PAX5: variants seen among roughly 807,000 people sequenced by gnomAD.
PAX5 encodes the protein paired box 5, also known as paired box protein Pax-5.
Under a neutral mutation model 43.7 loss-of-function variants are expected in PAX5, and 9 were observed. The observed-to-expected ratio is 0.21, with a 90% CI of 0.12 to 0.36. The LOEUF (loss-of-function observed/expected upper bound fraction) is 0.36. PAX5 is among the 10% of genes least tolerant of loss of function. The pLI is 1.00. For synonymous variants in PAX5, 228 were observed against 214.3 expected (o/e 1.06, Z -0.56); for missense variants, 383 against 532.7 (o/e 0.72, Z 2.77).
chr9:36,990,984 C>A (rs1836884009), intron 5 of PAX5, among the ~76,000 whole-genome samples: 1 of 152,110 alleles, frequency 6.6e-6, no homozygotes, highest in Non-Finnish European at 1.5e-5. Context: ...GCGGTTCATG[C>A]CTGTAGCCCC....
At chr9:36,982,908 T>A (rs1387809594) in intron 5 of PAX5, among the ~76,000 whole-genome samples, 1 of 152,180 alleles carries the variant, frequency 6.6e-6, no homozygotes, top group East Asian at 1.9e-4. Flanking sequence ...TGGTTGTCGG[T>A]AAGCATGATC....
intron 8 of PAX5, among the ~76,000 whole-genome samples, chr9:36,878,123 C>T (rs1289856217): frequency 6.6e-6 from 1 of 152,130 alleles, no homozygotes; most frequent in African/African-American, 2.4e-5. Context: ...TGATTTTGGC[C>T]CAGTGATACT....
chr9:36,903,637 C>T (rs1332014745), intron 7 of PAX5, among the ~76,000 whole-genome samples: 1 of 152,208 alleles, frequency 6.6e-6, no homozygotes, highest in Non-Finnish European at 1.5e-5. Context: ...AGCAATCATA[C>T]CTGCTGTGTC....
chr9:36,923,201 GCCC>G (rs1830318127), intron 7 of PAX5, 151 bp downstream of exon 7: 15 of 818,300 alleles, frequency 1.8e-5, no homozygotes, highest in Non-Finnish European at 2.7e-5. Flanking sequence ...TGCAACCCTG[GCCC>G]CAGCACCTGA....
intron 6 of PAX5, among the ~76,000 whole-genome samples, chr9:36,945,128 C>T (rs1832380756): frequency 6.6e-6 from 1 of 152,192 alleles, no homozygotes; most frequent in South Asian, 2.1e-4. Flanking sequence ...CTGTATAACA[C>T]AGTCACAAAG....
chr9:36,970,744 C>T (rs765438098), intron 5 of PAX5, among the ~76,000 whole-genome samples: 9 of 152,142 alleles, frequency 5.9e-5, no homozygotes, highest in Non-Finnish European at 1.2e-4. Flanking sequence ...TCTCCAGACA[C>T]AGCCAGAAGC....
intron 6 of PAX5, among the ~76,000 whole-genome samples, chr9:36,934,279 A>G (rs1377232718): frequency 6.6e-6 from 1 of 152,248 alleles, no homozygotes; most frequent in Non-Finnish European, 1.5e-5. Flanking sequence ...GAGAGATCAG[A>G]ATAAAGCCCT....
At chr9:36,943,529 T>TTCACACACACACACACACACAC (rs35815065) in intron 6 of PAX5, among the ~76,000 whole-genome samples, 4 of 145,912 alleles carry the variant, frequency 2.7e-5, no homozygotes, top group African/African-American at 5.1e-5. Flanking sequence ...TAGTTCAACA[T>TTCACACACACACACACACACAC]ACACACACAC....
At chr9:36,935,684 G>T (rs1456127060) in intron 6 of PAX5, among the ~76,000 whole-genome samples, 2 of 152,220 alleles carry the variant, frequency 1.3e-5, no homozygotes, top group Non-Finnish European at 2.9e-5. Context: ...AAATCTCAGG[G>T]TCTAATGGAG....
chr9:36,990,238 CA>C (rs964959498), intron 5 of PAX5, among the ~76,000 whole-genome samples: 53 of 152,322 alleles, frequency 3.5e-4, no homozygotes, highest in African/African-American at 1.2e-3. Flanking sequence ...AGTCCAATCA[CA>C]AGCACAATTG....
At chr9:37,009,824 C>T (rs1049055008) in intron 3 of PAX5, among the ~76,000 whole-genome samples, 17 of 151,716 alleles carry the variant, frequency 1.1e-4, no homozygotes, top group Non-Finnish European at 1.6e-4. Flanking sequence ...TACTATGCAC[C>T]CATAAAAATT....
chr9:37,014,879 C>T lies in PAX5; in HGVS notation c.410+118G>A. 6.6e-6 allele frequency: 6 copies of T among 915,876 alleles called. No homozygotes were observed. In the South Asian group the frequency reaches 9.4e-5, roughly 14 times the overall value. 56.7% of individuals were successfully genotyped at this position (915,876 alleles called of 1,614,324 possible). A position where few individuals can be genotyped will look rare whatever the true frequency, so the allele number is the denominator to read the frequency against. ...CATTAGCATCCCTCCTGTTCAGTAA[C>T]CCCTAAGGGGCCTTGGTGAAAAAAG... is the stretch of plus-strand genomic sequence containing the variant. On this transcript the variant is annotated intron_variant, in intron 3 of 9. Coordinates refer to ENST00000358127, the MANE Select transcript of PAX5 (RefSeq NM_016734.3).
intron 2 of PAX5, among the ~76,000 whole-genome samples, chr9:37,017,248 C>T (rs948338007): frequency 1.3e-5 from 2 of 152,126 alleles, no homozygotes; most frequent in African/African-American, 4.8e-5. Flanking sequence ...TTATCTTGAT[C>T]CTCACACTAA....
intron 5 of PAX5, among the ~76,000 whole-genome samples, chr9:36,996,785 G>A (rs1185256272): frequency 2.0e-5 from 3 of 152,180 alleles, no homozygotes; most frequent in Admixed American, 6.5e-5. Context: ...CTGAGGGGGC[G>A]TCCAGCCTGA....
chr9:36,900,596 G>A (rs147726120), intron 7 of PAX5, among the ~76,000 whole-genome samples: 183 of 152,258 alleles, frequency 1.2e-3, no homozygotes, highest in East Asian at 4.4e-3. Flanking sequence ...CATCTGTGGC[G>A]GGAGTGTCAA....
At chr9:36,990,165 A>C (rs1431973040) in intron 5 of PAX5, among the ~76,000 whole-genome samples, 1 of 152,194 alleles carries the variant, frequency 6.6e-6, no homozygotes, top group Non-Finnish European at 1.5e-5. Context: ...TTTATTGAGC[A>C]CTTATTATAT....
intron 5 of PAX5, 68 bp from the exon 6 acceptor site, chr9:36,966,792 A>T (rs753380516): frequency 3.4e-5 from 49 of 1,436,626 alleles, no homozygotes; most frequent in Non-Finnish European, 4.7e-5. Flanking sequence ...GACAGGTCAG[A>T]CCCTGAGACT....
At chr9:36,885,601 T>G (rs3780142) in intron 7 of PAX5, among the ~76,000 whole-genome samples, 142,370 of 152,198 alleles carry the variant, frequency 0.94, 66,646 homozygotes, top group Non-Finnish European at 0.95. Context: ...ACAGCTAGAA[T>G]ATTAAAAAGC....
chr9:36,984,347 C>T (rs1242742353), intron 5 of PAX5, among the ~76,000 whole-genome samples: 1 of 151,656 alleles, frequency 6.6e-6, no homozygotes, highest in Admixed American at 6.6e-5. Context: ...CAGTTATATG[C>T]ACAGGCTCTG....
Sources: gnomAD v4.1 joint callset for allele counts (sites outside exome capture counted in the v4.1 genomes callset) on GRCh38, gnomAD v4.1.1 for gene constraint, MANE v1.5 for transcripts, NCBI Gene and HGNC (gene_info 2026-07-23, HGNC 2026-07-21) for gene names.